The following GPD2 variants were observed in gnomAD, a reference collection of about 807,000 sequenced individuals.
GPD2 encodes glycerol-3-phosphate dehydrogenase, mitochondrial.
GPD2 carries 54 observed loss-of-function variants against 82.4 expected under a neutral mutation model. The observed-to-expected ratio is 0.66, with a 90% CI of 0.53 to 0.82. The LOEUF (loss-of-function observed/expected upper bound fraction) is 0.82. GPD2 is among the 40% of genes least tolerant of loss of function. The probability of loss-of-function intolerance (pLI) is 0.00; values close to 1 mark genes in which losing one functional copy is unlikely to be tolerated. For missense variants in GPD2, 748 were observed against 896.2 expected, an observed-to-expected ratio of 0.83 and a Z score of 2.11; for synonymous variants, 288 against 306.1, an observed-to-expected ratio of 0.94 and a Z score of 0.62.
At chr2:156,490,182 C>G (rs1402924542) in intron 2 of GPD2, among the ~76,000 whole-genome samples, 1 of 152,112 alleles carries the variant, frequency 6.6e-6, no homozygotes, top group Non-Finnish European at 1.5e-5. Flanking sequence ...TTTATTCTTG[C>G]TGCTTTTCTC....
Position 156,513,353 on chromosome 2 carries a change from A to C in GPD2, c.518A>C (p.Tyr173Ser), listed in dbSNP as rs750379154. 3.1e-6 allele frequency: 5 copies of C among 1,611,456 alleles called. No homozygotes were observed. Among genetic ancestry groups the C allele is most frequent in the South Asian group, 2.2e-5 (2 of 90,994 alleles). ...TGTAGGTGGTGGCAGTTACCTTACT[A>C]CTGGGTAGGAATCAAGCTGTATGAT... ...PVYKWWQLPY[Y>S]WVGIKLYDLV... The change falls in exon 6 of 17, where the codon TAC (tyrosine) becomes TCC (serine). Residue 173 changes from tyrosine (Y) to serine (S), a missense_variant. This residue lies in a region of GPD2 where 692 missense variants were observed against 809.7 expected (regional missense o/e 0.85). Transcript: ENST00000438166.
chr2:156,408,207 G>A, the GPD2 span, among the ~76,000 whole-genome samples: 1 of 151,868 alleles, frequency 6.6e-6, no homozygotes, highest in Non-Finnish European at 1.5e-5. Context: ...TGCCCACCTT[G>A]GCCTCCCAAA....
intron 5 of GPD2, among the ~76,000 whole-genome samples, chr2:156,512,689 A>G (rs1043440285): frequency 4.6e-5 from 7 of 152,212 alleles, no homozygotes; most frequent in Non-Finnish European, 7.4e-5. Context: ...TAAACATACC[A>G]CATACCACTT....
chr2:156,497,342 C>A (rs1684423425), intron 3 of GPD2, among the ~76,000 whole-genome samples: 1 of 152,124 alleles, frequency 6.6e-6, no homozygotes, highest in South Asian at 2.1e-4. Flanking sequence ...ATTATAGCTA[C>A]TATTACTAAC....
At chr2:156,575,695 C>G (rs1574018692) in intron 13 of GPD2, among the ~76,000 whole-genome samples, 1 of 152,106 alleles carries the variant, frequency 6.6e-6, no homozygotes, top group East Asian at 1.9e-4. Context: ...CATGAGCCAC[C>G]ACACCCGGTC....
intron 2 of GPD2, among the ~76,000 whole-genome samples, chr2:156,490,041 T>G (rs1037186507): frequency 2.6e-5 from 4 of 152,142 alleles, no homozygotes; most frequent in African/African-American, 7.2e-5. Flanking sequence ...AGATCAATCC[T>G]TCAATAAAAT....
At chr2:156,422,027 G>A in the GPD2 span, among the ~76,000 whole-genome samples, 1,572 of 152,124 alleles carry the variant, frequency 0.01, 31 homozygotes, top group African/African-American at 0.036. Flanking sequence ...CTTGGGAGGC[G>A]GAGGTGGGAG....
intron 6 of GPD2, among the ~76,000 whole-genome samples, chr2:156,516,864 T>G (rs1384110135): frequency 6.6e-6 from 1 of 152,232 alleles, no homozygotes; most frequent in Non-Finnish European, 1.5e-5. Context: ...GAAAATATAG[T>G]GGGACAAACT....
At chr2:156,467,871 CTG>C (rs1683201097) in intron 1 of GPD2, among the ~76,000 whole-genome samples, 1 of 152,068 alleles carries the variant, frequency 6.6e-6, no homozygotes, top group African/African-American at 2.4e-5. Context: ...TGAGGGCTCT[CTG>C]TGTGTTTCTG....
the GPD2 span, among the ~76,000 whole-genome samples, chr2:156,402,277 T>C: frequency 6.6e-5 from 10 of 152,310 alleles, no homozygotes; most frequent in Admixed American, 6.5e-4. Context: ...TAGAGAAAGA[T>C]CATAAAAGGC....
chr2:156,527,432 C>A (rs1486164264), intron 6 of GPD2, among the ~76,000 whole-genome samples: 6 of 151,882 alleles, frequency 4.0e-5, no homozygotes. Context: ...TTAGTAAAAC[C>A]CTCTGTAGAT....
At chr2:156,479,991 C>T (rs2105209538) in intron 2 of GPD2, among the ~76,000 whole-genome samples, 1 of 152,258 alleles carries the variant, frequency 6.6e-6, no homozygotes, top group African/African-American at 2.4e-5. Context: ...CAGAGACACT[C>T]TGTGGTGGTG....
the GPD2 span, among the ~76,000 whole-genome samples, chr2:156,425,089 A>ATTTTTTTT: frequency 3.4e-5 from 5 of 148,702 alleles, no homozygotes; most frequent in South Asian, 2.1e-4. Context: ...TATTCATTTT[A>ATTTTTTTT]TTTTTTTTTT....
chr2:156,451,628 C>T (rs1370518464), intron 1 of GPD2, among the ~76,000 whole-genome samples: 1 of 142,988 alleles, frequency 7.0e-6, no homozygotes, highest in African/African-American at 2.6e-5. Flanking sequence ...CTCCTCACTT[C>T]CCAGTAGGGG....
At chr2:156,407,989 C>CTG in the GPD2 span, among the ~76,000 whole-genome samples, 1 of 106,164 alleles carries the variant, frequency 9.4e-6, no homozygotes, top group African/African-American at 3.7e-5. Flanking sequence ...GGGTCTTGCT[C>CTG]TGTCACCCAG....
intron 8 of GPD2, among the ~76,000 whole-genome samples, chr2:156,556,277 A>C (rs1289545446): frequency 6.6e-6 from 1 of 152,176 alleles, no homozygotes; most frequent in Non-Finnish European, 1.5e-5. Context: ...CATTAATAGA[A>C]GCTAAAAACA....
the GPD2 span, among the ~76,000 whole-genome samples, chr2:156,416,291 AG>A: frequency 6.6e-6 from 1 of 151,824 alleles, no homozygotes; most frequent in African/African-American, 2.4e-5. Flanking sequence ...GAGTAGAAGA[AG>A]GGAAGTCTCA....
intron 4 of GPD2, among the ~76,000 whole-genome samples, chr2:156,511,578 TTA>T (rs1684999138): frequency 6.6e-6 from 1 of 152,230 alleles, no homozygotes; most frequent in South Asian, 2.1e-4. Context: ...ATCTGTCCCC[TTA>T]TATTTCTCTT....
chr2:156,548,499 C>T (rs917550859), intron 6 of GPD2, among the ~76,000 whole-genome samples: 1 of 152,108 alleles, frequency 6.6e-6, no homozygotes. Flanking sequence ...TAGAATAAGA[C>T]GTTTGTGGGG....
Sources: gnomAD v4.1 joint callset for allele counts (sites outside exome capture counted in the v4.1 genomes callset) on GRCh38, gnomAD v4.1.1 for gene constraint, gnomAD v4.1.1 regional missense constraint, MANE v1.5 for transcripts, NCBI Gene and HGNC (gene_info 2026-07-23, HGNC 2026-07-21) for gene names.